SLC24A2: variants seen among roughly 807,000 people sequenced by gnomAD.
SLC24A2 encodes solute carrier family 24 member 2.
In SLC24A2, 36 loss-of-function variants were observed where a neutral mutation model predicts 62.0. That is an observed-to-expected ratio of 0.58 (90% CI 0.44 to 0.77). The LOEUF (loss-of-function observed/expected upper bound fraction) is 0.77. SLC24A2 is among the 30% of genes least tolerant of loss of function. The pLI, the probability that SLC24A2 is intolerant of heterozygous loss-of-function variation, is 0.00. For synonymous variants in SLC24A2, 358 were observed against 294.0 expected (o/e 1.22, Z -2.23); for missense variants, 846 against 817.9 (o/e 1.03, Z -0.42).
At chr9:20,299,345 G>A in the SLC24A2 span, among the ~76,000 whole-genome samples, 1 of 152,330 alleles carries the variant, frequency 6.6e-6, no homozygotes, top group Admixed American at 6.5e-5. Flanking sequence ...GAGCTCTCGA[G>A]CAGGTGGGAA....
At chr9:20,252,515 C>T in the SLC24A2 span, among the ~76,000 whole-genome samples, 1 of 152,140 alleles carries the variant, frequency 6.6e-6, no homozygotes, top group African/African-American at 2.4e-5. Context: ...TAAAAATGCT[C>T]AACAGGGATA....
At chr9:19,574,140 CTG>C (rs968273563) in intron 6 of SLC24A2, among the ~76,000 whole-genome samples, 60 of 152,178 alleles carry the variant, frequency 3.9e-4, no homozygotes, top group Non-Finnish European at 7.3e-4. Context: ...AATTCAGACT[CTG>C]TGAGTGGAAA....
chr9:20,156,528 C>T, the SLC24A2 span, among the ~76,000 whole-genome samples: 134 of 151,846 alleles, frequency 8.8e-4, no homozygotes, highest in Non-Finnish European at 1.6e-3. Context: ...TATTACTTGC[C>T]ATTTTGGAAG....
At chr9:20,195,964 G>A in the SLC24A2 span, among the ~76,000 whole-genome samples, 2 of 151,872 alleles carry the variant, frequency 1.3e-5, no homozygotes, top group Non-Finnish European at 2.9e-5. Flanking sequence ...AACATGAACA[G>A]GCAAATAATA....
intron 2 of SLC24A2, among the ~76,000 whole-genome samples, chr9:19,712,544 C>T (rs1414584482): frequency 1.3e-5 from 2 of 152,158 alleles, no homozygotes; most frequent in Non-Finnish European, 2.9e-5. Context: ...GCAGAGCAGA[C>T]AAATGAGAGG....
intron 2 of SLC24A2, among the ~76,000 whole-genome samples, chr9:19,733,901 A>T (rs1251339280): frequency 6.6e-6 from 1 of 152,200 alleles, no homozygotes; most frequent in African/African-American, 2.4e-5. Flanking sequence ...AAAACAAATA[A>T]ATACTCTTAT....
At chr9:20,007,378 G>T in the SLC24A2 span, among the ~76,000 whole-genome samples, 5 of 152,212 alleles carry the variant, frequency 3.3e-5, no homozygotes, top group Non-Finnish European at 5.9e-5. Context: ...TGATTAACTG[G>T]TAATGTCTGC....
the SLC24A2 span, among the ~76,000 whole-genome samples, chr9:19,912,136 C>G: frequency 6.6e-6 from 1 of 151,936 alleles, no homozygotes; most frequent in Non-Finnish European, 1.5e-5. Flanking sequence ...GGGACCGAGG[C>G]CAGCAGTTAG....
chr9:19,730,932 T>C (rs112027959), intron 2 of SLC24A2, among the ~76,000 whole-genome samples: 130 of 152,202 alleles, frequency 8.5e-4, no homozygotes, highest in African/African-American at 3.1e-3. Flanking sequence ...AAAAAAGATA[T>C]TCATCTTTCA....
At chr9:19,597,302 A>G (rs1836728684) in intron 4 of SLC24A2, 23 bp from the exon 5 acceptor site, 2 of 1,486,226 alleles carry the variant, frequency 1.3e-6, no homozygotes, top group African/African-American at 1.4e-5. Context: ...AGTAAAAGAC[A>G]CAAAGATAAG....
At chr9:19,907,890 G>A in the SLC24A2 span, among the ~76,000 whole-genome samples, 4 of 152,108 alleles carry the variant, frequency 2.6e-5, no homozygotes, top group Non-Finnish European at 4.4e-5. Flanking sequence ...AATCAATATC[G>A]TGAAAATGGC....
At chr9:20,212,915 G>A in the SLC24A2 span, among the ~76,000 whole-genome samples, 1 of 151,788 alleles carries the variant, frequency 6.6e-6, no homozygotes. Flanking sequence ...GCAATTCAAT[G>A]CAGGAACAGA....
chr9:19,562,127 C>A (rs1164748579), intron 7 of SLC24A2, among the ~76,000 whole-genome samples: 1 of 152,176 alleles, frequency 6.6e-6, no homozygotes, highest in Admixed American at 6.5e-5. Context: ...AGACTGATTT[C>A]TTTCCATATT....
intron 2 of SLC24A2, among the ~76,000 whole-genome samples, chr9:19,774,368 G>T (rs567856255): frequency 6.6e-6 from 1 of 152,262 alleles, no homozygotes; most frequent in East Asian, 1.9e-4. Context: ...AGCTAGGAAG[G>T]TCTATCCAAA....
the SLC24A2 span, among the ~76,000 whole-genome samples, chr9:20,290,465 C>G: frequency 7.9e-5 from 12 of 152,266 alleles, no homozygotes; most frequent in African/African-American, 2.9e-4. Context: ...GCCAGCTTCT[C>G]TAAGCAGTTG....
At chr9:20,068,865 C>G in the SLC24A2 span, among the ~76,000 whole-genome samples, 1 of 152,076 alleles carries the variant, frequency 6.6e-6, no homozygotes, top group Non-Finnish European at 1.5e-5. Context: ...ACTCATTTTT[C>G]TGGTTTCAAT....
chr9:19,918,330 A>AT, the SLC24A2 span, among the ~76,000 whole-genome samples: 123 of 140,188 alleles, frequency 8.8e-4, 1 homozygote, highest in Middle Eastern at 0.013. Context: ...CTGGCCTGGC[A>AT]TTTTTGTTGT....
intron 2 of SLC24A2, among the ~76,000 whole-genome samples, chr9:19,779,485 C>T (rs1167935878): frequency 6.6e-6 from 1 of 152,148 alleles, no homozygotes; most frequent in East Asian, 1.9e-4. Flanking sequence ...TAATTTTCTA[C>T]TCACTACTTT....
At chr9:19,655,778 T>C (rs1475666068) in intron 2 of SLC24A2, among the ~76,000 whole-genome samples, 1 of 152,038 alleles carries the variant, frequency 6.6e-6, no homozygotes. Context: ...TTACAACTGG[T>C]GGGTGGAGGT....
Sources: gnomAD v4.1 joint callset for allele counts (sites outside exome capture counted in the v4.1 genomes callset) on GRCh38, gnomAD v4.1.1 for gene constraint, MANE v1.5 for transcripts, NCBI Gene and HGNC (gene_info 2026-07-23, HGNC 2026-07-21) for gene names.